The following ZFYVE16 variants were observed in gnomAD, a reference collection of about 807,000 sequenced individuals.
ZFYVE16 encodes the protein zinc finger FYVE domain-containing protein 16.
In ZFYVE16, 89 loss-of-function variants were observed where a neutral mutation model predicts 138.1. The observed-to-expected ratio is 0.64, with a 90% CI of 0.54 to 0.77. The LOEUF is 0.77. ZFYVE16 is among the 30% of genes least tolerant of loss of function. ZFYVE16 has a pLI of 0.00. For missense variants in ZFYVE16, 1,793 were observed against 1,786.7 expected, an observed-to-expected ratio of 1.00 and a Z score of -0.06; for synonymous variants, 596 against 618.3, an observed-to-expected ratio of 0.96 and a Z score of 0.53.
chr5:80,408,420 G>C (rs259052), intron 1 of ZFYVE16, among the ~76,000 whole-genome samples: 130,914 of 152,298 alleles, frequency 0.86, 57,426 homozygotes, highest in Non-Finnish European at 0.94. Context: ...CTGTTTGCCC[G>C]GTTCCCCGCT....
chr5:80,475,178 G>A (rs1754776399), intron 18 of ZFYVE16, among the ~76,000 whole-genome samples: 1 of 152,200 alleles, frequency 6.6e-6, no homozygotes, highest in African/African-American at 2.4e-5. Flanking sequence ...GGCCAAGTTT[G>A]GCCTGCAGGC....
At chr5:80,460,316 CT>C (rs1752969744) in intron 15 of ZFYVE16, among the ~76,000 whole-genome samples, 1 of 152,040 alleles carries the variant, frequency 6.6e-6, no homozygotes, top group Non-Finnish European at 1.5e-5. Flanking sequence ...GCGCTTTTTT[CT>C]ATTGGATTGT....
intron 11 of ZFYVE16, 29 bp from the exon 12 acceptor site, chr5:80,455,662 TA>T: frequency 6.4e-7 from 1 of 1,572,750 alleles, no homozygotes; most frequent in South Asian, 1.1e-5. Context: ...TTTTTGTTGA[TA>T]GTAACCAGTT....
Position 80,434,141 on chromosome 5 carries a change from A to C in ZFYVE16, c.-7A>C. The C allele has an allele frequency of 6.2e-7, 1 of 1,612,100 alleles. No individual in the cohort carries two copies. Among genetic ancestry groups the C allele is most frequent in the Non-Finnish European group, 8.5e-7 (1 of 1,178,720 alleles). ...AGAATTAAATTCTGAATAAGTCTGC[A>C]GGTAGGATGGACAGTTATTTTAAAG... is the stretch of plus-strand genomic sequence containing the variant. On this transcript the variant is annotated 5_prime_UTR_variant, in exon 3 of 19. Coordinates refer to ENST00000505560, the MANE Select transcript of ZFYVE16 (RefSeq NM_001284236.3).
At chr5:80,431,452 G>A (rs1354843452) in intron 2 of ZFYVE16, among the ~76,000 whole-genome samples, 1 of 152,092 alleles carries the variant, frequency 6.6e-6, no homozygotes, top group Non-Finnish European at 1.5e-5. Flanking sequence ...AATAATAAGA[G>A]CTATTTATGA....
At position 80,436,807 on chromosome 5, in the gene ZFYVE16, G is replaced by A. The variant is rs550290263; in HGVS notation, c.122G>A (p.Cys41Tyr). ...CAAAATGCATATGATTCTAACCACTGCTCAGTTTCTTCAGAGTTGGCTTCC... is the reference window on the plus strand; with the variant it reads ...CAAAATGCATATGATTCTAACCACTACTCAGTTTCTTCAGAGTTGGCTTCC... ...DVQNAYDSNH[C>Y]SVSSELASSQ... The change falls in exon 4 of 19, where the codon TGC becomes TAC. Residue 41 changes from cysteine to tyrosine, a missense_variant. This residue lies in a region of ZFYVE16 where 1,295 missense variants were observed against 1,204.3 expected (regional missense o/e 1.08). Coordinates refer to ENST00000505560, the MANE Select transcript of ZFYVE16 (RefSeq NM_001284236.3). The A allele has an allele frequency of 1.5e-5, 25 of 1,614,082 alleles. No homozygotes were observed. The South Asian group carries it at 1.9e-4, about 12-fold the overall frequency.
intron 1 of ZFYVE16, among the ~76,000 whole-genome samples, chr5:80,413,471 CAAAAAAAAAA>C (rs70988468): frequency 1.6e-5 from 2 of 124,528 alleles, no homozygotes; most frequent in South Asian, 5.2e-4. Flanking sequence ...AACTTCATCT[CAAAAAAAAAA>C]AAAAGAAAAA....
At chr5:80,430,283 A>T (rs1239664309) in intron 2 of ZFYVE16, among the ~76,000 whole-genome samples, 6 of 152,062 alleles carry the variant, frequency 3.9e-5, no homozygotes, top group African/African-American at 1.4e-4. Context: ...GGATTCAGAA[A>T]CTCACTCAAA....
intron 1 of ZFYVE16, among the ~76,000 whole-genome samples, chr5:80,412,667 A>G (rs752789524): frequency 6.6e-6 from 1 of 152,194 alleles, no homozygotes; most frequent in Non-Finnish European, 1.5e-5. Flanking sequence ...TTATTTAATG[A>G]ATTCCATAAT....
upstream of ZFYVE16, chr5:80,407,994 C>T (rs1227716521): frequency 6.6e-6 from 1 of 152,362 alleles, no homozygotes; most frequent in Non-Finnish European, 1.5e-5. Context: ...AAGAGGAAAG[C>T]GTCCTCTGCG....
chr5:80,419,972 T>C (rs538150714), intron 1 of ZFYVE16, among the ~76,000 whole-genome samples: 5 of 145,054 alleles, frequency 3.4e-5, no homozygotes, highest in Non-Finnish European at 7.6e-5. Context: ...CCACCACGCC[T>C]GGCTAATTTT....
chr5:80,448,333 A>C lies in ZFYVE16; in HGVS notation c.3032A>C (p.Lys1011Thr). 6.2e-7 allele frequency: 1 copy of C among 1,609,502 alleles called. No homozygotes were observed. Among genetic ancestry groups the C allele is most frequent in the Admixed American group, 1.7e-5 (1 of 59,934 alleles). The change falls in exon 8 of 19, where the codon AAG (lysine) becomes ACG (threonine). Residue 1011 changes from lysine to threonine, a missense_variant. Transcript: ENST00000505560. ...GATATTAACAAGTATGTCTGCAATA[A>C]GATTAGTCTTCTACCTAATGATGAG... ...LCDINKYVCN[K>T]ISLLPNDEDS...
chr5:80,428,998 A>T (rs1748572376), intron 2 of ZFYVE16, among the ~76,000 whole-genome samples: 1 of 152,214 alleles, frequency 6.6e-6, no homozygotes, highest in African/African-American at 2.4e-5. Context: ...CCTGAAAGTG[A>T]CTGGCAGAAT....
chr5:80,439,082 T>G, intron 4 of ZFYVE16, 75 bp downstream of exon 4: 1 of 1,371,700 alleles, frequency 7.3e-7, no homozygotes, highest in Non-Finnish European at 9.8e-7. Context: ...TAGAAAAGGC[T>G]GATGAACAGA....
chr5:80,430,996 T>C (rs1462150538), intron 2 of ZFYVE16, among the ~76,000 whole-genome samples: 2 of 152,340 alleles, frequency 1.3e-5, no homozygotes, highest in Non-Finnish European at 2.9e-5. Context: ...CACAGCCGAA[T>C]TCTACCAGAG....
At chr5:80,446,911 T>C (rs1311488599) in intron 7 of ZFYVE16, among the ~76,000 whole-genome samples, 1 of 152,146 alleles carries the variant, frequency 6.6e-6, no homozygotes, top group Admixed American at 6.5e-5. Flanking sequence ...TAAATAGATT[T>C]ATTGAGCATC....
Position 80,455,718 on chromosome 5 carries a change from A to G in ZFYVE16, c.3634A>G (p.Arg1212Gly). Reference sequence around the variant, plus strand: ...ATATCCTGCTCCTCTAACAAGCATCAGAGGCCGAAAACCTCTTTTTGGAGA... The same window carrying G: ...ATATCCTGCTCCTCTAACAAGCATCGGAGGCCGAAAACCTCTTTTTGGAGA... ...KAYPAPLTSI[R>G]GRKPLFGEIG... The change falls in exon 12 of 19, where the codon AGA (arginine) becomes GGA (glycine). Residue 1212 changes from arginine (R) to glycine (G), a missense_variant. Arg to Gly is a moderately radical substitution (Grantham distance 125). This residue lies in a region of ZFYVE16 where 498 missense variants were observed against 582.4 expected (regional missense o/e 0.86). Coordinates refer to ENST00000505560, the MANE Select transcript of ZFYVE16 (RefSeq NM_001284236.3). The G allele has an allele frequency of 6.3e-7, 1 of 1,598,692 alleles. No homozygotes were observed. The highest frequency in any genetic ancestry group is 8.5e-7 in the Non-Finnish European group (1 of 1,176,152).
chr5:80,410,570 A>T (rs925713883), intron 1 of ZFYVE16, among the ~76,000 whole-genome samples: 1 of 151,890 alleles, frequency 6.6e-6, no homozygotes, highest in African/African-American at 2.4e-5. Flanking sequence ...AACGTGCTGT[A>T]CTTTGTTTGT....
intron 2 of ZFYVE16, among the ~76,000 whole-genome samples, chr5:80,431,104 C>T (rs1225114175): frequency 6.6e-6 from 1 of 152,188 alleles, no homozygotes; most frequent in African/African-American, 2.4e-5. Flanking sequence ...CAGCATCATC[C>T]TGATACCAAA....
Sources: allele counts gnomAD v4.1 joint callset (sites outside exome capture counted in the v4.1 genomes callset), GRCh38; gene constraint gnomAD v4.1.1; regional missense constraint gnomAD v4.1.1; transcripts MANE v1.5; gene names NCBI Gene and HGNC (gene_info 2026-07-23, HGNC 2026-07-21).